F5: variants seen among roughly 807,000 people sequenced by gnomAD.
F5 encodes the protein activated protein c cofactor.
F5 carries 138 observed loss-of-function variants against 216.4 expected under a neutral mutation model. That is an observed-to-expected ratio of 0.64 (90% CI 0.56 to 0.73). F5 has a LOEUF of 0.73. Ranked by LOEUF, F5 falls within the 30% of genes least tolerant of loss-of-function variation. The pLI, the probability that F5 is intolerant of heterozygous loss-of-function variation, is 0.00. For synonymous variants in F5, 916 were observed against 930.7 expected (o/e 0.98, Z 0.29); for missense variants, 2,403 against 2,674.0 (o/e 0.90, Z 2.24).
intron 7 of F5, among the ~76,000 whole-genome samples, chr1:169,554,054 A>T (rs1055469645): frequency 1.1e-5 from 1 of 92,980 alleles, no homozygotes; most frequent in African/African-American, 3.7e-5. Context: ...TCTTGGCCAA[A>T]TTTTTTTTGT....
At chr1:169,580,648 T>G (rs1374885991) in intron 2 of F5, among the ~76,000 whole-genome samples, 1 of 152,106 alleles carries the variant, frequency 6.6e-6, no homozygotes, top group African/African-American at 2.4e-5. Context: ...CCTCCCAAAG[T>G]GCATGAGCCA....
intron 3 of F5, among the ~76,000 whole-genome samples, chr1:169,562,307 G>C (rs1229502733): frequency 2.6e-5 from 4 of 152,028 alleles, no homozygotes; most frequent in Non-Finnish European, 4.4e-5. Context: ...TGTTGGATTA[G>C]TGTTAGCTGG....
At chr1:169,554,573 G>A (rs1483659451) in intron 7 of F5, among the ~76,000 whole-genome samples, 1 of 152,208 alleles carries the variant, frequency 6.6e-6, no homozygotes, top group African/African-American at 2.4e-5. Flanking sequence ...TTTCCAGAGT[G>A]AGATAGCTGA....
At chr1:169,518,749 C>T (rs1659219985) in intron 22 of F5, among the ~76,000 whole-genome samples, 186 bp from the exon 23 acceptor site, 1 of 152,124 alleles carries the variant, frequency 6.6e-6, no homozygotes, top group African/African-American at 2.4e-5. Context: ...TTATATAATG[C>T]TCATAAATAT....
At chr1:169,555,127 C>A (rs1211864744) in intron 7 of F5, 55 bp downstream of exon 7, 1 of 1,595,972 alleles carries the variant, frequency 6.3e-7, no homozygotes, top group African/African-American at 1.3e-5. Context: ...ACATCTAGGA[C>A]CCTATGGAAT....
chr1:169,575,758 G>A (rs1383340538), intron 2 of F5, among the ~76,000 whole-genome samples: 1 of 152,050 alleles, frequency 6.6e-6, no homozygotes, highest in Non-Finnish European at 1.5e-5. Context: ...CTGAGATGGA[G>A]GACACCGTGG....
At chr1:169,536,762 A>ATTTAGAATTTAT in intron 13 of F5, 82 bp from the exon 14 acceptor site, 1 of 1,074,380 alleles carries the variant, frequency 9.3e-7, no homozygotes, top group Non-Finnish European at 1.4e-6. Flanking sequence ...TTCTAAATAT[A>ATTTAGAATTTAT]GCATCTAGCA....
In F5 at chr1:169,512,533, C is replaced by A. The variant is rs559071301; in HGVS notation, c.*1780G>T. Reference sequence around the variant, plus strand: ...AAATTTAGCATGCGGTCCTTCTGAGCATGTGACCCTTTGCAACTGAACAGA... The same window carrying A: ...AAATTTAGCATGCGGTCCTTCTGAGAATGTGACCCTTTGCAACTGAACAGA... On this transcript the variant is annotated 3_prime_UTR_variant, in exon 25 of 25. Coordinates refer to ENST00000367797, the MANE Select transcript of F5 (RefSeq NM_000130.5). Among the ~76,000 whole-genome samples the A allele has an allele frequency of 1.9e-4, 29 of 152,150 alleles. No homozygotes were observed. Among genetic ancestry groups the A allele is most frequent in the Non-Finnish European group, 4.1e-4 (28 of 67,968 alleles).
chr1:169,551,985 T>C (rs1309003224), intron 8 of F5, among the ~76,000 whole-genome samples: 6 of 152,214 alleles, frequency 3.9e-5, no homozygotes, highest in African/African-American at 1.4e-4. Context: ...TTTACTGTTA[T>C]ATCTTAGCTA....
intron 23 of F5, among the ~76,000 whole-genome samples, chr1:169,516,593 C>G (rs1426668069): frequency 6.6e-6 from 1 of 152,156 alleles, no homozygotes; most frequent in Non-Finnish European, 1.5e-5. Context: ...ATAACATCCT[C>G]TAGTGACATC....
At chr1:169,573,024 T>A (rs116652288) in intron 2 of F5, among the ~76,000 whole-genome samples, 1 of 151,872 alleles carries the variant, frequency 6.6e-6, no homozygotes, top group Non-Finnish European at 1.5e-5. Flanking sequence ...CAGGACCCAC[T>A]GCAACCTCCG....
intron 7 of F5, among the ~76,000 whole-genome samples, chr1:169,553,702 A>G (rs974063854): frequency 4.6e-5 from 7 of 152,254 alleles, no homozygotes; most frequent in Non-Finnish European, 1.0e-4. Context: ...AGCCTGGGCG[A>G]CAGAGCGAGA....
rs952196842 is a variant in F5, at chr1:169,514,344, C to A, written c.6644G>T (p.Arg2215Leu). The A allele has an allele frequency of 6.2e-7, 1 of 1,613,188 alleles. No homozygotes were observed. The highest frequency in any genetic ancestry group is 8.5e-7 in the Non-Finnish European group (1 of 1,179,512). The change falls in exon 25 of 25, where the codon CGC becomes CTC. Residue 2215 changes from arginine (R) to leucine (L), a missense_variant. Physicochemically the swap from Arg to Leu is moderately radical, Grantham distance 102. This residue lies in a region of F5 where 659 missense variants were observed against 787.9 expected (regional missense o/e 0.84). Transcript: ENST00000367797. ...AATATCACAGCCAAAGAGTTCCAGG[C>A]GAAGTGCAATACTTTGATTCCATGT... ...PKTWNQSIAL[R>L]LELFGCDIY is the part of the protein sequence containing the mutation.
Position 169,572,209 on chromosome 1 carries a change from G to T in F5, c.373+12C>A, listed in dbSNP as rs1343688469. 1.2e-6 allele frequency: 2 copies of T among 1,610,306 alleles called. No individual in the cohort carries two copies. The highest frequency in any genetic ancestry group is 1.7e-6 in the Non-Finnish European group (2 of 1,178,152). ...ATTTTCCCTTTTCAGAAAAATATTAGATTTATCTTACCTTCTGATAATTTA... is the reference window on the plus strand; with the variant it reads ...ATTTTCCCTTTTCAGAAAAATATTATATTTATCTTACCTTCTGATAATTTA... On this transcript the variant is annotated intron_variant, in intron 3 of 24. Transcript: ENST00000367797.
rs150708584 is a variant in F5 at position 169,550,662 on chromosome 1, T to C, written c.1374A>G (p.Glu458=). The part of the protein sequence containing the change: ...HGVTFSPYED[E]VNSSFTSGRN... ...AACCTGAGGTGAAAGAAGAGTTGACTTCATCTTCATAAGGCGAGAAGGTCA... is the reference window on the plus strand; with the variant it reads ...AACCTGAGGTGAAAGAAGAGTTGACCTCATCTTCATAAGGCGAGAAGGTCA... Residue 458 remains glutamate (E), a synonymous_variant, in exon 9 of 25, where the codon GAA becomes GAG. Coordinates refer to ENST00000367797, the MANE Select transcript of F5 (RefSeq NM_000130.5). 9.8e-5 allele frequency: 158 copies of C among 1,613,784 alleles called. 2 individuals carry two copies. Among genetic ancestry groups the C allele is most frequent in the South Asian group, 5.7e-4 (52 of 91,076 alleles).
chr1:169,552,007 AT>A (rs1430223807), intron 8 of F5, among the ~76,000 whole-genome samples: 1 of 152,214 alleles, frequency 6.6e-6, no homozygotes, highest in African/African-American at 2.4e-5. Flanking sequence ...AATGAGAAAT[AT>A]TTTAATGCAA....
Position 169,540,673 on chromosome 1 carries a change from A to G in F5, c.4417T>C (p.Leu1473=). The change falls in exon 13 of 25, where the codon TTG becomes CTG. Residue 1473 remains leucine (L), a synonymous_variant. Transcript: ENST00000367797. ...GACTCATTAAATTCTTGAAGAAGCAATGACTGACTAGATTCAGAAGGGTAG... is the reference window on the plus strand; with the variant it reads ...GACTCATTAAATTCTTGAAGAAGCAGTGACTGACTAGATTCAGAAGGGTAG... The part of the protein sequence containing the change: ...IFYPSESSQS[L]LLQEFNESFP... The G allele has an allele frequency of 6.2e-7, 1 of 1,614,050 alleles. No homozygotes were observed. The highest frequency in any genetic ancestry group is 2.2e-5 in the East Asian group (1 of 44,878).
At chr1:169,522,063 A>T (rs985335563) in intron 21 of F5, among the ~76,000 whole-genome samples, 10 of 152,258 alleles carry the variant, frequency 6.6e-5, no homozygotes, top group African/African-American at 2.4e-4. Flanking sequence ...AACTCTACAC[A>T]TATAAACTTA....
Position 169,526,007 on chromosome 1 carries a change from T to C in F5, c.5610A>G (p.Lys1870=), listed in dbSNP as rs1659439073. Residue 1870 remains lysine, a synonymous_variant, in exon 18 of 25, where the codon AAA becomes AAG. Coordinates refer to ENST00000367797, the MANE Select transcript of F5 (RefSeq NM_000130.5). Reference sequence around the variant, plus strand: ...GTTTTGATGCCTTCATTTCAAGAGTTTTAAATGAACCTAAAATAAAAAGAA... The same window carrying C: ...GTTTTGATGCCTTCATTTCAAGAGTCTTAAATGAACCTAAAATAAAAAGAA... ...GVWPLLPGSF[K]TLEMKASKPG... The C allele has an allele frequency of 6.2e-7, 1 of 1,610,220 alleles. No individual in the cohort carries two copies. The highest frequency in any genetic ancestry group is 8.5e-7 in the Non-Finnish European group (1 of 1,176,974).
Sources: allele counts gnomAD v4.1 joint callset (sites outside exome capture counted in the v4.1 genomes callset), GRCh38; gene constraint gnomAD v4.1.1; regional missense constraint gnomAD v4.1.1; transcripts MANE v1.5; gene names NCBI Gene and HGNC (gene_info 2026-07-23, HGNC 2026-07-21).